RNF175: variants seen among roughly 807,000 people sequenced by gnomAD.
The protein encoded by RNF175 is ring finger protein 175.
Under a neutral mutation model 50.0 loss-of-function variants are expected in RNF175, and 38 were observed. The ratio of observed to expected loss-of-function variants is 0.76; its 90% CI spans 0.59 to 1.00. RNF175 has a LOEUF of 1.00. Ranked by LOEUF, RNF175 falls within the 50% of genes least tolerant of loss-of-function variation. The pLI, the probability that RNF175 is intolerant of heterozygous loss-of-function variation, is 0.00. For missense variants in RNF175, 388 were observed against 409.6 expected, an observed-to-expected ratio of 0.95 and a Z score of 0.46; for synonymous variants, 155 against 146.1, an observed-to-expected ratio of 1.06 and a Z score of -0.44.
intron 3 of RNF175, among the ~76,000 whole-genome samples, chr4:153,729,044 GTGAACTGAC>G (rs1293655696): frequency 6.6e-6 from 1 of 152,208 alleles, no homozygotes; most frequent in Non-Finnish European, 1.5e-5. Flanking sequence ...GCAGGGCAGA[GTGAACTGAC>G]TGTCTGTGGG....
intron 1 of RNF175, among the ~76,000 whole-genome samples, chr4:153,755,363 A>G (rs907766096): frequency 1.3e-5 from 2 of 152,266 alleles, no homozygotes; most frequent in African/African-American, 2.4e-5. Context: ...AGAGCTTAAC[A>G]GTGCTGTACT....
chr4:153,718,246 T>G (rs1174806303), intron 6 of RNF175, among the ~76,000 whole-genome samples: 3 of 137,186 alleles, frequency 2.2e-5, no homozygotes, highest in African/African-American at 8.2e-5. Flanking sequence ...TTGTTTTTTT[T>G]TTTTTTGAAG....
intron 2 of RNF175, among the ~76,000 whole-genome samples, chr4:153,750,903 TATATG>T (rs1740260494): frequency 6.6e-6 from 1 of 152,238 alleles, no homozygotes; most frequent in Non-Finnish European, 1.5e-5. Flanking sequence ...ATTAATCTGT[TATATG>T]AGATTAATCT....
At chr4:153,734,877 C>T (rs1033083011) in intron 3 of RNF175, among the ~76,000 whole-genome samples, 2 of 151,790 alleles carry the variant, frequency 1.3e-5, no homozygotes, top group Non-Finnish European at 2.9e-5. Context: ...GGGGTTTCAT[C>T]GTGTTAGCCA....
intron 5 of RNF175, among the ~76,000 whole-genome samples, chr4:153,722,111 G>A (rs1401468324): frequency 6.6e-6 from 1 of 152,216 alleles, no homozygotes; most frequent in Non-Finnish European, 1.5e-5. Context: ...GAAGTTTAGA[G>A]TAACTTTGAT....
rs930418619 is a variant in RNF175 at position 153,748,462 on chromosome 4, C to T, written c.246+183G>A. The T allele has an allele frequency of 4.8e-5, 25 of 519,556 alleles. No homozygotes were observed. The African/African-American group carries it at 4.9e-4, about 10-fold the overall frequency. 32.2% of individuals were successfully genotyped at this position (519,556 alleles called of 1,614,324 possible). Reference sequence around the variant, plus strand: ...TTCACCCCCCACAAGTCTTGACAGTCAAAAATGTTTCCAGACATTGCCAAA... The same window carrying T: ...TTCACCCCCCACAAGTCTTGACAGTTAAAAATGTTTCCAGACATTGCCAAA... On this transcript the variant is annotated intron_variant, in intron 3 of 8. Transcript: ENST00000347063.
intron 4 of RNF175, among the ~76,000 whole-genome samples, chr4:153,724,371 G>T (rs947744797): frequency 6.6e-6 from 1 of 152,230 alleles, no homozygotes; most frequent in African/African-American, 2.4e-5. Flanking sequence ...GGATGGAAAA[G>T]CTGGGGGCTT....
intron 8 of RNF175, 83 bp from the exon 9 acceptor site, chr4:153,710,572 A>G: frequency 8.0e-7 from 1 of 1,251,798 alleles, no homozygotes; most frequent in Non-Finnish European, 1.1e-6. Context: ...TATAATAAAC[A>G]ATGTAATGAA....
chr4:153,718,222 GTTTGTTTGTTTGTTTGTT>G (rs1473862064), intron 6 of RNF175, among the ~76,000 whole-genome samples: 1 of 37,540 alleles, frequency 2.7e-5, no homozygotes, highest in East Asian at 6.3e-4. Flanking sequence ...TTTTTTGTTT[GTTTGTTTGTTTGTTTGTT>G]TTTTTTTTTT....
intron 4 of RNF175, 97 bp downstream of exon 4, chr4:153,728,110 C>T (rs1164305583): frequency 5.1e-5 from 40 of 783,824 alleles, no homozygotes; most frequent in Admixed American, 3.7e-5. Flanking sequence ...AGAAATGTAA[C>T]CCCCCCACTC....
intron 4 of RNF175, among the ~76,000 whole-genome samples, chr4:153,725,313 A>G (rs1440060855): frequency 1.3e-5 from 2 of 152,132 alleles, no homozygotes; most frequent in African/African-American, 4.8e-5. Context: ...AGTTTAGATC[A>G]TTGCTCAGGG....
intron 6 of RNF175, among the ~76,000 whole-genome samples, chr4:153,718,222 G>A (rs895178711): frequency 2.7e-5 from 1 of 37,536 alleles, no homozygotes; most frequent in Non-Finnish European, 7.1e-5. Context: ...TTTTTTGTTT[G>A]TTTGTTTGTT....
At chr4:153,741,013 G>C (rs1739627044) in intron 3 of RNF175, among the ~76,000 whole-genome samples, 1 of 152,186 alleles carries the variant, frequency 6.6e-6, no homozygotes, top group Admixed American at 6.5e-5. Context: ...TCTAAGCCTT[G>C]CAGCTCTTTC....
intron 8 of RNF175, among the ~76,000 whole-genome samples, chr4:153,712,217 C>A: frequency 6.6e-6 from 1 of 152,174 alleles, no homozygotes; most frequent in East Asian, 1.9e-4. Context: ...TGTCTCATCA[C>A]ATTTCCACTA....
At chr4:153,722,451 T>C (rs1304265646) in intron 5 of RNF175, among the ~76,000 whole-genome samples, 1 of 152,194 alleles carries the variant, frequency 6.6e-6, no homozygotes, top group East Asian at 1.9e-4. Context: ...ATTTATTTGG[T>C]TTCCCAGCTT....
intron 1 of RNF175, among the ~76,000 whole-genome samples, chr4:153,755,574 T>TA (rs11454087): frequency 0.53 from 79,266 of 148,228 alleles, 21,760 homozygotes; most frequent in African/African-American, 0.64. Context: ...AGAAAGAATT[T>TA]AAAAAAAAAA....
At position 153,715,588 on chromosome 4, in the gene RNF175, A is replaced by G. The variant is rs368166541; in HGVS notation, c.705T>C (p.Ile235=). The change falls in exon 7 of 9, where the codon ATT becomes ATC. Residue 235 remains isoleucine, a synonymous_variant. Coordinates refer to ENST00000347063, the MANE Select transcript of RNF175 (RefSeq NM_173662.4). ...TGAGCCCTTCTTCATCAAGCTCCAC[A>G]ATGATCTTCTGCCCACAGACTGCAC... The part of the protein sequence containing the change: ...NICAVCGQKI[I]VELDEEGLIE... 1 of 1,613,680 alleles carries G rather than the reference A, an allele frequency of 6.2e-7. No homozygotes were observed. The highest frequency in any genetic ancestry group is 8.5e-7 in the Non-Finnish European group (1 of 1,179,708).
chr4:153,726,864 G>A (rs1738729037), intron 4 of RNF175, among the ~76,000 whole-genome samples: 1 of 152,170 alleles, frequency 6.6e-6, no homozygotes. Flanking sequence ...ATCCTCTAGG[G>A]CTTGGAGTTG....
intron 2 of RNF175, among the ~76,000 whole-genome samples, chr4:153,749,607 G>C (rs143258606): frequency 6.6e-6 from 1 of 152,316 alleles, no homozygotes; most frequent in African/African-American, 2.4e-5. Context: ...CACAATTGTA[G>C]AGAAAATCAA....
Sources: allele counts gnomAD v4.1 joint callset (sites outside exome capture counted in the v4.1 genomes callset), GRCh38; gene constraint gnomAD v4.1.1; transcripts MANE v1.5; gene names NCBI Gene and HGNC (gene_info 2026-07-23, HGNC 2026-07-21).